Variants in LOXHD1 observed in about 807,000 individuals in gnomAD.
LOXHD1 encodes the protein lipoxygenase homology domain-containing protein 1.
LOXHD1 carries 205 observed loss-of-function variants against 248.2 expected under a neutral mutation model. That is an observed-to-expected ratio of 0.83 (90% confidence interval 0.74 to 0.93). The LOEUF is 0.93. Ranked by LOEUF, LOXHD1 falls within the 40% of genes least tolerant of loss-of-function variation. The probability of loss-of-function intolerance (pLI) is 0.00; values close to 1 mark genes in which losing one functional copy is unlikely to be tolerated. For missense variants in LOXHD1, 2,930 were observed against 2,971.6 expected (o/e 0.99, Z 0.33); for synonymous variants, 1,113 against 1,162.8 (o/e 0.96, Z 0.87).
chr18:46,622,970 T>A (rs1040218864), intron 4 of LOXHD1, among the ~76,000 whole-genome samples: 2 of 152,204 alleles, frequency 1.3e-5, no homozygotes, highest in Admixed American at 1.3e-4. Flanking sequence ...CCCCTGTTCC[T>A]GATCAAGCTT....
intron 12 of LOXHD1, among the ~76,000 whole-genome samples, chr18:46,591,461 T>C (rs978233720): frequency 1.3e-5 from 2 of 152,260 alleles, no homozygotes; most frequent in Admixed American, 1.3e-4. Context: ...TATTTGAATG[T>C]GGCTCCTGGA....
intron 28 of LOXHD1, among the ~76,000 whole-genome samples, chr18:46,531,341 G>A (rs751076506): frequency 2.0e-5 from 3 of 152,152 alleles, no homozygotes; most frequent in Non-Finnish European, 2.9e-5. Flanking sequence ...AGCTTGTCTT[G>A]CTAATACTGA....
At chr18:46,585,936 A>G (rs1408656615) in intron 12 of LOXHD1, among the ~76,000 whole-genome samples, 1 of 152,232 alleles carries the variant, frequency 6.6e-6, no homozygotes, top group African/African-American at 2.4e-5. Flanking sequence ...AACTGAAAAT[A>G]TGTCTGCATA....
Position 46,541,915 on chromosome 18 carries a change from G to T in LOXHD1, c.3774C>A (p.Asp1258Glu). Residue 1258 changes from aspartate to glutamate, a missense_variant, in exon 25 of 41, where the codon GAC (aspartate) becomes GAA (glutamate). Transcript: ENST00000642948. Reference sequence around the variant, plus strand: ...GAGATGGGGCATCCACCTCTACCCAGTCTACAAACCAGCCTGGGGCCTTGC... The same window carrying T: ...GAGATGGGGCATCCACCTCTACCCATTCTACAAACCAGCCTGGGGCCTTGC... Reference protein sequence around the residue: ...NTGKAPGWFVDWVEVDAPSLG... With the variant: ...NTGKAPGWFVEWVEVDAPSLG... The T allele has an allele frequency of 6.4e-7, 1 of 1,551,614 alleles. No individual in the cohort carries two copies. The highest frequency in any genetic ancestry group is 8.7e-7 in the Non-Finnish European group (1 of 1,146,946).
At chr18:46,528,948 C>T (rs76569517) in intron 29 of LOXHD1, among the ~76,000 whole-genome samples, 1,864 of 152,194 alleles carry the variant, frequency 0.012, 38 homozygotes, top group African/African-American at 0.042. Flanking sequence ...TGTCCAAGGC[C>T]GGCCTTCTGC....
In LOXHD1 at chr18:46,525,300, T is replaced by C. The variant is rs76889390; in HGVS notation, c.4531-383A>G. Among the ~76,000 whole-genome samples the C allele has an allele frequency of 8.5e-3, 1,296 of 152,212 alleles. 9 individuals are homozygous for C. Among genetic ancestry groups the C allele is most frequent in the Non-Finnish European group, 0.013 (906 of 67,994 alleles). ...CCAGACTCCTTAGCTATGCTGAGCA[T>C]TGGGGATAAGTCCAGCTGTGGCAAC... On this transcript the variant is annotated intron_variant, in intron 29 of 40. Coordinates refer to ENST00000642948, the MANE Select transcript of LOXHD1 (RefSeq NM_001384474.1).
intron 4 of LOXHD1, among the ~76,000 whole-genome samples, chr18:46,627,184 A>G (rs9953194): frequency 0.012 from 1,874 of 152,300 alleles, 34 homozygotes; most frequent in African/African-American, 0.042. Flanking sequence ...TTATAACCTC[A>G]AGCTGGCTTT....
chr18:46,501,128 A>T (rs1169425240), intron 37 of LOXHD1, among the ~76,000 whole-genome samples: 1 of 152,194 alleles, frequency 6.6e-6, no homozygotes, highest in African/African-American at 2.4e-5. Context: ...TATATAGTTG[A>T]TCTTCGTTAT....
chr18:46,491,294 G>A (rs1598833111), intron 37 of LOXHD1, among the ~76,000 whole-genome samples: 1 of 152,244 alleles, frequency 6.6e-6, no homozygotes, highest in Admixed American at 6.5e-5. Flanking sequence ...TGATCCCAAT[G>A]TGTAGCCAAG....
chr18:46,487,897 G>A (rs1177689817), intron 38 of LOXHD1, among the ~76,000 whole-genome samples: 1 of 152,172 alleles, frequency 6.6e-6, no homozygotes, highest in African/African-American at 2.4e-5. Context: ...TTTTGCTACA[G>A]CCAGCTTAGG....
At chr18:46,534,504 T>C (rs1346494591) in intron 26 of LOXHD1, 53 bp from the exon 27 acceptor site, 3 of 1,409,154 alleles carry the variant, frequency 2.1e-6, no homozygotes, top group Non-Finnish European at 2.9e-6. Context: ...CAGGAAAGTA[T>C]GGCCTTGGCA....
rs1486042119 is a variant in LOXHD1, at chr18:46,557,396, G to A, written c.3310C>T (p.Leu1104=). 2.6e-6 allele frequency: 4 copies of A among 1,552,374 alleles called. No individual in the cohort carries two copies. The highest frequency in any genetic ancestry group is 3.5e-6 in the Non-Finnish European group (4 of 1,147,154). ...ATGTCAGTAATGTCTATTCTGTCCA[G>A]GAACCAGCCTGCTCTGTTGCCTGTG... ...DNTGNRAGWF[L]DRIDITDMNN... Residue 1104 remains leucine, a synonymous_variant, in exon 21 of 41, where the codon CTG becomes TTG. Transcript: ENST00000642948.
At chr18:46,522,337 A>G in intron 31 of LOXHD1, 28 bp from the exon 32 acceptor site, 3 of 1,535,620 alleles carry the variant, frequency 2.0e-6, no homozygotes, top group South Asian at 2.4e-5. Context: ...GCTCAGGTTC[A>G]TAACAGACCA....
At chr18:46,631,100 A>G (rs2038814631) in intron 4 of LOXHD1, among the ~76,000 whole-genome samples, 1 of 152,096 alleles carries the variant, frequency 6.6e-6, no homozygotes, top group Admixed American at 6.5e-5. Flanking sequence ...TTCCTTACCA[A>G]CGTTCATACA....
intron 6 of LOXHD1, among the ~76,000 whole-genome samples, chr18:46,608,042 A>AAGGAAGGG (rs2038445636): frequency 6.9e-6 from 1 of 144,076 alleles, no homozygotes; most frequent in Admixed American, 6.9e-5. Flanking sequence ...GGAGGGAAGG[A>AAGGAAGGG]AGGAAGGAAG....
intron 4 of LOXHD1, among the ~76,000 whole-genome samples, chr18:46,633,640 C>A (rs2169602): frequency 0.18 from 28,062 of 152,092 alleles, 2,812 homozygotes; most frequent in East Asian, 0.37. Context: ...AAAATTAAAA[C>A]TTTTGGGCAT....
At chr18:46,656,806 G>T in intron 1 of LOXHD1, 98 bp downstream of exon 1, 1 of 1,349,696 alleles carries the variant, frequency 7.4e-7, no homozygotes. Context: ...GGAAGGGCTT[G>T]CTCCGAAATC....
chr18:46,656,598 GC>G (rs2039185022), intron 1 of LOXHD1, among the ~76,000 whole-genome samples: 1 of 152,210 alleles, frequency 6.6e-6, no homozygotes, highest in Non-Finnish European at 1.5e-5. Context: ...CTGGAACGTG[GC>G]TTTGGGGATG....
At chr18:46,586,089 A>G (rs997497369) in intron 12 of LOXHD1, among the ~76,000 whole-genome samples, 3 of 152,242 alleles carry the variant, frequency 2.0e-5, no homozygotes, top group Admixed American at 6.5e-5. Context: ...GAGTACTGAT[A>G]ATGCTACAAT....
Sources: gnomAD v4.1 joint callset for allele counts (sites outside exome capture counted in the v4.1 genomes callset) on GRCh38, gnomAD v4.1.1 for gene constraint, MANE v1.5 for transcripts, NCBI Gene and HGNC (gene_info 2026-07-23, HGNC 2026-07-21) for gene names.